The following ANTXR2 variants were observed in gnomAD, a reference collection of about 807,000 sequenced individuals.
ANTXR2 encodes ANTXR cell adhesion molecule 2, also known as anthrax toxin receptor 2.
A neutral mutation model predicts 73.7 loss-of-function variants in ANTXR2; 44 were observed. That is an observed-to-expected ratio of 0.60 (90% CI 0.47 to 0.77). ANTXR2 has a LOEUF of 0.77. ANTXR2 is among the 30% of genes least tolerant of loss of function. The probability of loss-of-function intolerance (pLI) is 0.00; values close to 1 mark genes in which losing one functional copy is unlikely to be tolerated. For missense variants in ANTXR2, 604 were observed against 592.5 expected (o/e 1.02, Z -0.20); for synonymous variants, 217 against 205.9 (o/e 1.05, Z -0.46).
At chr4:80,002,147 T>C (rs993587776) in intron 12 of ANTXR2, among the ~76,000 whole-genome samples, 5 of 152,136 alleles carry the variant, frequency 3.3e-5, no homozygotes, top group Admixed American at 6.6e-5. Flanking sequence ...TCACGCTACC[T>C]GACTTCAAAC....
Position 79,903,773 on chromosome 4 carries a change from G to A in ANTXR2, c.*3656C>T, listed in dbSNP as rs1429263836. The A allele has an allele frequency of 6.6e-6, 1 of 152,076 alleles. No individual in the cohort carries two copies. Among genetic ancestry groups the A allele is most frequent in the Non-Finnish European group, 1.5e-5 (1 of 68,004 alleles). 9.4% of individuals were successfully genotyped at this position (152,076 alleles called of 1,614,324 possible). A position where few individuals can be genotyped will look rare whatever the true frequency, so the allele number is the denominator to read the frequency against. On this transcript the variant is annotated 3_prime_UTR_variant, in exon 17 of 17. Coordinates refer to ENST00000403729, the MANE Select transcript of ANTXR2 (RefSeq NM_058172.6). ...CCTGCCTGTTTCTTTCCTTAACTAT[G>A]TAACAGATGTACCAAGAGTTATTCT...
chr4:79,947,305 T>C (rs577968458), intron 16 of ANTXR2, among the ~76,000 whole-genome samples: 1 of 152,162 alleles, frequency 6.6e-6, no homozygotes, highest in Non-Finnish European at 1.5e-5. Flanking sequence ...CCCCCTCTTA[T>C]AACTGAATCT....
chr4:80,033,318 T>A (rs1732785788), intron 9 of ANTXR2, among the ~76,000 whole-genome samples, 154 bp downstream of exon 9: 2 of 151,876 alleles, frequency 1.3e-5, no homozygotes, highest in African/African-American at 4.8e-5. Flanking sequence ...ATTAAATAAT[T>A]ATCACTACTA....
chr4:79,929,600 G>A (rs1431087189), intron 16 of ANTXR2, among the ~76,000 whole-genome samples: 4 of 152,164 alleles, frequency 2.6e-5, no homozygotes, highest in Non-Finnish European at 5.9e-5. Flanking sequence ...TGTTCTTAAT[G>A]TTGATGCAAG....
intron 7 of ANTXR2, among the ~76,000 whole-genome samples, chr4:80,051,773 C>A (rs1218876893): frequency 6.6e-6 from 1 of 151,602 alleles, no homozygotes; most frequent in Non-Finnish European, 1.5e-5. Context: ...AGAACTACTA[C>A]AGTGTTTCTT....
At chr4:79,932,575 T>C (rs1728097754) in intron 16 of ANTXR2, among the ~76,000 whole-genome samples, 2 of 151,826 alleles carry the variant, frequency 1.3e-5, no homozygotes, top group African/African-American at 4.8e-5. Flanking sequence ...GTGGATTGCC[T>C]GAGGTCAGGA....
At chr4:79,990,592 A>G (rs2110029760) in intron 12 of ANTXR2, among the ~76,000 whole-genome samples, 1 of 152,236 alleles carries the variant, frequency 6.6e-6, no homozygotes, top group Admixed American at 6.6e-5. Context: ...TATTTCTATC[A>G]AAATATCAAC....
intron 12 of ANTXR2, among the ~76,000 whole-genome samples, chr4:80,007,802 A>G (rs1463208589): frequency 2.6e-5 from 4 of 152,226 alleles, no homozygotes; most frequent in Non-Finnish European, 4.4e-5. Flanking sequence ...GCATTCAGAA[A>G]GAAACACATC....
intron 16 of ANTXR2, among the ~76,000 whole-genome samples, chr4:79,976,506 G>A (rs553967352): frequency 5.3e-5 from 8 of 151,056 alleles, no homozygotes; most frequent in African/African-American, 2.0e-4. Flanking sequence ...ACAATGACCC[G>A]ATGACCCGGA....
rs1726740245 is a variant in ANTXR2 at position 79,902,388 on chromosome 4, T to C, written c.*5041A>G. 4 of 152,170 alleles carry C rather than the reference T, an allele frequency of 2.6e-5. No individual in the cohort carries two copies. Among genetic ancestry groups the C allele is most frequent in the African/African-American group, 7.2e-5 (3 of 41,464 alleles). The allele number at this position is 152,170 out of a possible 1,614,324, so 9.4% of individuals were successfully genotyped here. Reference sequence around the variant, plus strand: ...ATACTTGCTATGGGTAGCACAGGCATAGTAACTGTCAATTAAGACTTTTTT... The same window carrying C: ...ATACTTGCTATGGGTAGCACAGGCACAGTAACTGTCAATTAAGACTTTTTT... On this transcript the variant is annotated 3_prime_UTR_variant, in exon 17 of 17. Coordinates refer to ENST00000403729, the MANE Select transcript of ANTXR2 (RefSeq NM_058172.6).
In ANTXR2 at chr4:80,033,516, C is replaced by T; in HGVS notation, c.752G>A (p.Gly251Asp). The change falls in exon 9 of 17, where the codon GGC becomes GAC. Residue 251 changes from glycine (G) to aspartate (D), a missense_variant. Transcript: ENST00000403729. ...GRGFMLGSRN[G>D]SVLCTYTVNE... ...TACAGTGTAAGTGCAGAGAACACTG[C>T]CATTCCGACTGCCCAGCATGAATCC... 1 of 1,599,760 alleles carries T rather than the reference C, an allele frequency of 6.3e-7. No individual in the cohort carries two copies. Among genetic ancestry groups the T allele is most frequent in the Non-Finnish European group, 8.5e-7 (1 of 1,174,820 alleles).
chr4:80,062,060 A>G (rs1310761522), intron 3 of ANTXR2, among the ~76,000 whole-genome samples: 1 of 152,212 alleles, frequency 6.6e-6, no homozygotes, highest in East Asian at 1.9e-4. Flanking sequence ...CTTGGGAACT[A>G]ATGGGTTTTA....
intron 16 of ANTXR2, among the ~76,000 whole-genome samples, chr4:79,961,052 G>GC (rs1560909591): frequency 6.6e-6 from 1 of 151,852 alleles, no homozygotes; most frequent in African/African-American, 2.4e-5. Flanking sequence ...AGACACAAAG[G>GC]CACCATCATA....
intron 10 of ANTXR2, 71 bp downstream of exon 10, chr4:80,031,552 T>A (rs1483947691): frequency 8.6e-7 from 1 of 1,161,618 alleles, no homozygotes; most frequent in East Asian, 3.0e-5. Flanking sequence ...AAATGACCAA[T>A]GTATATGTCA....
intron 12 of ANTXR2, 80 bp from the exon 13 acceptor site, chr4:79,984,943 T>TA: frequency 8.8e-7 from 1 of 1,136,688 alleles, no homozygotes; most frequent in Non-Finnish European, 1.3e-6. Flanking sequence ...ATTTGATACA[T>TA]AAAATACTGT....
intron 3 of ANTXR2, among the ~76,000 whole-genome samples, chr4:80,066,434 T>C (rs192561391): frequency 6.6e-6 from 1 of 152,350 alleles, no homozygotes; most frequent in East Asian, 1.9e-4. Context: ...TTATTAAAAC[T>C]TAAAGTGTTT....
intron 16 of ANTXR2, among the ~76,000 whole-genome samples, chr4:79,937,559 A>G (rs150068957): frequency 3.9e-4 from 60 of 152,342 alleles, no homozygotes; most frequent in Middle Eastern, 3.4e-3. Flanking sequence ...GGTATATAGT[A>G]CCATACTCAA....
At chr4:80,052,177 C>T (rs1004517438) in intron 7 of ANTXR2, among the ~76,000 whole-genome samples, 1 of 151,510 alleles carries the variant, frequency 6.6e-6, no homozygotes, top group African/African-American at 2.4e-5. Flanking sequence ...TAATTTCACC[C>T]ATTAGTTTGA....
intron 16 of ANTXR2, among the ~76,000 whole-genome samples, chr4:79,919,270 C>A (rs755294713): frequency 2.0e-5 from 3 of 152,006 alleles, no homozygotes; most frequent in Non-Finnish European, 4.4e-5. Context: ...AGAATATGAA[C>A]GAAGGATAAA....
Sources: gnomAD v4.1 joint callset for allele counts (sites outside exome capture counted in the v4.1 genomes callset) on GRCh38, gnomAD v4.1.1 for gene constraint, MANE v1.5 for transcripts, NCBI Gene and HGNC (gene_info 2026-07-23, HGNC 2026-07-21) for gene names.